The following PPFIA2 variants were observed in gnomAD, a reference collection of about 807,000 sequenced individuals.
PPFIA2 encodes PPFI scaffold protein A2.
A neutral mutation model predicts 175.5 loss-of-function variants in PPFIA2; 46 were observed. The ratio of observed to expected loss-of-function variants is 0.26; its 90% CI spans 0.21 to 0.34. PPFIA2 has a LOEUF of 0.34. Among genes scored for constraint, PPFIA2 ranks in the 10% least tolerant of loss-of-function variants. The pLI is 1.00. For synonymous variants in PPFIA2, 568 were observed against 511.4 expected, an observed-to-expected ratio of 1.11 and a Z score of -1.49; for missense variants, 1,179 against 1,506.1, an observed-to-expected ratio of 0.78 and a Z score of 3.60.
chr12:81,741,446 T>G (rs77390823), intron 3 of PPFIA2, among the ~76,000 whole-genome samples: 1,978 of 152,272 alleles, frequency 0.013, 39 homozygotes, highest in African/African-American at 0.044. Context: ...TTAGTATTTT[T>G]TTTAAACTCC....
At chr12:81,420,607 T>C (rs1293559951) in intron 7 of PPFIA2, among the ~76,000 whole-genome samples, 1 of 151,956 alleles carries the variant, frequency 6.6e-6, no homozygotes, top group African/African-American at 2.4e-5. Flanking sequence ...ACAGGTCTTT[T>C]GATCTTAACC....
intron 4 of PPFIA2, chr12:81,545,192 T>C (rs2066800777): frequency 6.6e-6 from 1 of 152,214 alleles, no homozygotes; most frequent in Admixed American, 6.5e-5. Flanking sequence ...TTTGGTTATA[T>C]ATTAACTCTC....
chr12:81,528,708 T>C (rs1011357288), intron 4 of PPFIA2, among the ~76,000 whole-genome samples: 2 of 152,080 alleles, frequency 1.3e-5, no homozygotes, highest in African/African-American at 4.8e-5. Flanking sequence ...AGCATTTCCA[T>C]AGCAACATCA....
chr12:81,667,771 G>A (rs543397742), intron 4 of PPFIA2, among the ~76,000 whole-genome samples: 2 of 152,038 alleles, frequency 1.3e-5, no homozygotes, highest in East Asian at 3.9e-4. Context: ...CCATTTTCAA[G>A]TTCAGAATAT....
intron 4 of PPFIA2, among the ~76,000 whole-genome samples, chr12:81,467,062 T>A (rs1243651859): frequency 6.6e-6 from 1 of 151,568 alleles, no homozygotes; most frequent in East Asian, 1.9e-4. Context: ...AAGGCACTAA[T>A]ACTGAAACTA....
rs144033195 is a variant in PPFIA2, at chr12:81,284,118, T to C, written c.2988+123A>G. On this transcript the variant is annotated intron_variant, in intron 25 of 32. Coordinates refer to ENST00000549396, the MANE Select transcript of PPFIA2 (RefSeq NM_003625.5). ...AGAAAACTGTAAAAAATGTTAGTTA[T>C]CATTGCATGTAACTATAAAAACACA... The C allele has an allele frequency of 5.7e-4, 414 of 724,438 alleles. 2 individuals are homozygous for C. In the East Asian group the frequency reaches 0.01, roughly 18 times the overall value. The allele number at this position is 724,438 out of a possible 1,614,324, so 44.9% of individuals were successfully genotyped here. A position where few individuals can be genotyped will look rare whatever the true frequency, so the allele number is the denominator to read the frequency against.
At chr12:81,376,600 C>T (rs931072309) in intron 9 of PPFIA2, among the ~76,000 whole-genome samples, 1 of 151,990 alleles carries the variant, frequency 6.6e-6, no homozygotes, top group Admixed American at 6.6e-5. Context: ...ATATTTTAAA[C>T]AGTAATTTTT....
intron 8 of PPFIA2, among the ~76,000 whole-genome samples, chr12:81,405,483 A>G (rs1446101435): frequency 2.0e-5 from 3 of 151,826 alleles, no homozygotes; most frequent in Middle Eastern, 3.4e-3. Context: ...TTTAAATTAT[A>G]TTCTTTATAC....
At chr12:81,585,468 C>T (rs1052240352) in intron 4 of PPFIA2, among the ~76,000 whole-genome samples, 6 of 151,584 alleles carry the variant, frequency 4.0e-5, no homozygotes, top group Non-Finnish European at 5.9e-5. Context: ...TCTTTATATC[C>T]GTATTCTATA....
intron 28 of PPFIA2, among the ~76,000 whole-genome samples, chr12:81,270,365 T>C (rs762559122): frequency 6.6e-6 from 1 of 152,196 alleles, no homozygotes; most frequent in Non-Finnish European, 1.5e-5. Flanking sequence ...TTCCCCAAAA[T>C]TCTTGTAGAA....
chr12:81,347,629 C>G lies in PPFIA2; in HGVS notation c.2136G>C (p.Ser712=). Residue 712 remains serine, a synonymous_variant, in exon 18 of 33, where the codon TCG becomes TCC. Transcript: ENST00000549396. ...CACTGGGGGGAGATGAACTGGCCAGCGATGAAGCTGTAACAGAGGCAGTAA... is the reference window on the plus strand; with the variant it reads ...CACTGGGGGGAGATGAACTGGCCAGGGATGAAGCTGTAACAGAGGCAGTAA... The part of the protein sequence containing the change: ...TSITASVTAS[S]LASSSPPSGH... The G allele has an allele frequency of 6.2e-7, 1 of 1,613,712 alleles. No homozygotes were observed. The highest frequency in any genetic ancestry group is 8.5e-7 in the Non-Finnish European group (1 of 1,179,772).
intron 8 of PPFIA2, among the ~76,000 whole-genome samples, chr12:81,387,922 C>A (rs935837890): frequency 6.6e-6 from 1 of 152,116 alleles, no homozygotes; most frequent in Non-Finnish European, 1.5e-5. Context: ...CAGCTCTGAT[C>A]CTTCAACCAG....
chr12:81,621,603 C>A (rs1447886129), intron 4 of PPFIA2, among the ~76,000 whole-genome samples: 2 of 152,042 alleles, frequency 1.3e-5, no homozygotes, highest in East Asian at 3.9e-4. Context: ...TACAGGGTGG[C>A]AGTGGTGAAG....
rs536691231 is a variant in PPFIA2 at position 81,597,555 on chromosome 12, C to T, written c.303+79236G>A. 2.1e-3 allele frequency among the ~76,000 whole-genome samples: 313 copies of T among 152,108 alleles called. 4 individuals are homozygous for T. The highest frequency in any genetic ancestry group is 3.1e-3 in the Non-Finnish European group (209 of 67,968). On this transcript the variant is annotated intron_variant, in intron 4 of 32. Coordinates refer to ENST00000549396, the MANE Select transcript of PPFIA2 (RefSeq NM_003625.5). ...AAAATATTTTTCTAAGCCAAGAGGA[C>T]TTAGTTTGCAAAGTTCATAAAATGT...
At chr12:81,485,148 G>A (rs1429386403) in intron 4 of PPFIA2, among the ~76,000 whole-genome samples, 1 of 151,772 alleles carries the variant, frequency 6.6e-6, no homozygotes. Context: ...TAGGGATTAT[G>A]AAGTTTTTGC....
At chr12:81,680,076 AAATAGT>A (rs1187880270) in intron 3 of PPFIA2, among the ~76,000 whole-genome samples, 1 of 152,028 alleles carries the variant, frequency 6.6e-6, no homozygotes, top group Non-Finnish European at 1.5e-5. Context: ...AGGGGACATC[AAATAGT>A]ATAAACATTG....
At chr12:81,694,994 A>G (rs1355419561) in intron 3 of PPFIA2, among the ~76,000 whole-genome samples, 1 of 152,134 alleles carries the variant, frequency 6.6e-6, no homozygotes, top group Non-Finnish European at 1.5e-5. Flanking sequence ...CTTTTGGCTA[A>G]TTTCTCCTTA....
At chr12:81,411,158 AC>A (rs1275337145) in intron 7 of PPFIA2, among the ~76,000 whole-genome samples, 1 of 152,068 alleles carries the variant, frequency 6.6e-6, no homozygotes, top group African/African-American at 2.4e-5. Context: ...ATGGTAGAAG[AC>A]TTTTTTAGGT....
intron 28 of PPFIA2, among the ~76,000 whole-genome samples, chr12:81,277,054 A>G (rs553848695): frequency 6.6e-6 from 1 of 152,312 alleles, no homozygotes; most frequent in Non-Finnish European, 1.5e-5. Context: ...TATAAGCAGA[A>G]TGTATAATTA....
Sources: gnomAD v4.1 joint callset for allele counts (sites outside exome capture counted in the v4.1 genomes callset) on GRCh38, gnomAD v4.1.1 for gene constraint, MANE v1.5 for transcripts, NCBI Gene and HGNC (gene_info 2026-07-23, HGNC 2026-07-21) for gene names.